The following C1orf21 variants were observed in gnomAD, a reference collection of about 807,000 sequenced individuals.
C1orf21 encodes the protein chromosome 1 open reading frame 21.
C1orf21 carries 3 observed loss-of-function variants against 18.7 expected under a neutral mutation model. The ratio of observed to expected loss-of-function variants is 0.16; its 90% CI spans 0.07 to 0.42. The LOEUF (loss-of-function observed/expected upper bound fraction) is 0.42. C1orf21 is among the 10% of genes least tolerant of loss of function. C1orf21 has a pLI of 0.99. For synonymous variants in C1orf21, 41 were observed against 46.4 expected (o/e 0.88, Z 0.47); for missense variants, 104 against 143.6 (o/e 0.72, Z 1.41).
Position 184,619,634 on chromosome 1 carries a change from G to A in C1orf21, c.*78G>A, listed in dbSNP as rs1366699373. The A allele has an allele frequency of 1.8e-5, 25 of 1,409,678 alleles. No individual in the cohort carries two copies. Among genetic ancestry groups the A allele is most frequent in the Non-Finnish European group, 2.4e-5 (24 of 1,012,008 alleles). The allele number at this position is 1,409,678 out of a possible 1,614,324, so 87.3% of individuals were successfully genotyped here. On this transcript the variant is annotated 3_prime_UTR_variant, in exon 6 of 6. Coordinates refer to ENST00000235307, the MANE Select transcript of C1orf21 (RefSeq NM_030806.4). ...CCCAGTTGAAATCTTTGCAAAGGTC[G>A]GTTCTATTCAGCGAACAGCACTATA...
At chr1:184,612,606 G>A (rs995195469) in intron 5 of C1orf21, among the ~76,000 whole-genome samples, 6 of 152,002 alleles carry the variant, frequency 3.9e-5, no homozygotes, top group Non-Finnish European at 8.8e-5. Flanking sequence ...CATGCTACTC[G>A]GGAGGCGAAG....
chr1:184,542,859 A>G (rs2101978233), intron 3 of C1orf21, among the ~76,000 whole-genome samples: 1 of 152,250 alleles, frequency 6.6e-6, no homozygotes, highest in Non-Finnish European at 1.5e-5. Flanking sequence ...GGCTTTTTGG[A>G]GACTGCCTGC....
chr1:184,586,235 G>C (rs1457341556), intron 3 of C1orf21, among the ~76,000 whole-genome samples: 1 of 151,396 alleles, frequency 6.6e-6, no homozygotes, highest in African/African-American at 2.4e-5. Context: ...ATGATTGTTG[G>C]CTGCATGTCT....
At chr1:184,603,304 T>A (rs532998363) in intron 5 of C1orf21, among the ~76,000 whole-genome samples, 2 of 152,312 alleles carry the variant, frequency 1.3e-5, no homozygotes, top group Middle Eastern at 6.8e-3. Context: ...TCTTCTTCCT[T>A]TCTTATATCC....
intron 1 of C1orf21, among the ~76,000 whole-genome samples, chr1:184,430,133 A>C (rs1005732688): frequency 2.7e-5 from 4 of 146,762 alleles, no homozygotes; most frequent in African/African-American, 1.0e-4. Flanking sequence ...AAAAAAAAAA[A>C]TCCATTGTTT....
At chr1:184,536,424 A>T (rs1171632916) in intron 3 of C1orf21, among the ~76,000 whole-genome samples, 1 of 152,146 alleles carries the variant, frequency 6.6e-6, no homozygotes, top group Non-Finnish European at 1.5e-5. Context: ...ACCAAGGGGA[A>T]GACACACCCC....
At chr1:184,575,015 C>G (rs193001018) in intron 3 of C1orf21, among the ~76,000 whole-genome samples, 1 of 152,066 alleles carries the variant, frequency 6.6e-6, no homozygotes, top group Non-Finnish European at 1.5e-5. Context: ...TGAAAAGATA[C>G]GCAAATGAAG....
chr1:184,394,329 T>C lies in C1orf21; in HGVS notation c.-125+6961T>C, dbSNP rs191360803. Among the ~76,000 whole-genome samples, 6 of 152,284 alleles carry C rather than the reference T, an allele frequency of 3.9e-5. No individual in the cohort carries two copies. The South Asian group carries it at 6.2e-4, about 16-fold the overall frequency. On this transcript the variant is annotated intron_variant, in intron 1 of 5. Transcript: ENST00000235307. ...AGTTTCAGTTCATTGTTAAACCACA[T>C]GTTAGAATATATTTTACTTTGCCTG...
At chr1:184,579,024 G>C (rs926765562) in intron 3 of C1orf21, among the ~76,000 whole-genome samples, 1 of 146,112 alleles carries the variant, frequency 6.8e-6, no homozygotes, top group Admixed American at 6.8e-5. Context: ...AGAACTGAGC[G>C]TCTTGGGTGC....
At chr1:184,468,713 G>A (rs1007396629) in intron 1 of C1orf21, among the ~76,000 whole-genome samples, 1 of 152,096 alleles carries the variant, frequency 6.6e-6, no homozygotes, top group Non-Finnish European at 1.5e-5. Flanking sequence ...GAGGTCAGGA[G>A]TTCAAGACTA....
intron 5 of C1orf21, among the ~76,000 whole-genome samples, chr1:184,616,726 CGTGT>C (rs55938251): frequency 6.0e-5 from 9 of 150,816 alleles, no homozygotes; most frequent in South Asian, 2.1e-4. Flanking sequence ...GTTGTGTGCA[CGTGT>C]GTGTGTGTGT....
At chr1:184,433,560 A>G (rs1656806223) in intron 1 of C1orf21, among the ~76,000 whole-genome samples, 1 of 152,140 alleles carries the variant, frequency 6.6e-6, no homozygotes, top group South Asian at 2.1e-4. Flanking sequence ...TTCCTAGACC[A>G]TTGCTGTCCA....
intron 5 of C1orf21, among the ~76,000 whole-genome samples, chr1:184,615,234 T>TGAA (rs1659802991): frequency 6.6e-6 from 1 of 152,122 alleles, no homozygotes; most frequent in Non-Finnish European, 1.5e-5. Flanking sequence ...TACAGATAAC[T>TGAA]GAAGAAGACG....
chr1:184,440,930 C>T (rs868358751), intron 1 of C1orf21, among the ~76,000 whole-genome samples: 1 of 152,134 alleles, frequency 6.6e-6, no homozygotes, highest in Non-Finnish European at 1.5e-5. Context: ...CCAGAGATAG[C>T]TGAAAGATAG....
intron 1 of C1orf21, among the ~76,000 whole-genome samples, chr1:184,421,829 T>C (rs1454982128): frequency 6.6e-6 from 1 of 152,222 alleles, no homozygotes; most frequent in Non-Finnish European, 1.5e-5. Flanking sequence ...AATTTCAGCA[T>C]TGAAGTGGTA....
At chr1:184,558,009 T>G (rs1571276673) in intron 3 of C1orf21, among the ~76,000 whole-genome samples, 1 of 152,308 alleles carries the variant, frequency 6.6e-6, no homozygotes, top group South Asian at 2.1e-4. Context: ...GTCTTTTGTA[T>G]GAATTCAGGC....
At chr1:184,407,104 T>A (rs541376488) in intron 1 of C1orf21, among the ~76,000 whole-genome samples, 2 of 152,246 alleles carry the variant, frequency 1.3e-5, no homozygotes, top group South Asian at 4.2e-4. Context: ...GCCTCTCCAG[T>A]AGCTGGGACT....
rs113477724 is a variant in C1orf21, at chr1:184,488,376, G to C, written c.94+10773G>C. Among the ~76,000 whole-genome samples the C allele has an allele frequency of 1.1e-3, 160 of 152,318 alleles. 2 individuals carry two copies. Among genetic ancestry groups the C allele is most frequent in the African/African-American group, 3.8e-3 (157 of 41,580 alleles). ...ATCAACCATAAATCTATACATGAGT[G>C]TGTGTGTCTTGTTTATCATGCAGAG... On this transcript the variant is annotated intron_variant, in intron 2 of 5. Coordinates refer to ENST00000235307, the MANE Select transcript of C1orf21 (RefSeq NM_030806.4).
intron 1 of C1orf21, among the ~76,000 whole-genome samples, chr1:184,475,238 G>A (rs1657552289): frequency 6.6e-6 from 1 of 152,142 alleles, no homozygotes; most frequent in Non-Finnish European, 1.5e-5. Flanking sequence ...GGATCAGAAA[G>A]AGTACCTATG....
Sources: gnomAD v4.1 joint callset for allele counts (sites outside exome capture counted in the v4.1 genomes callset) on GRCh38, gnomAD v4.1.1 for gene constraint, MANE v1.5 for transcripts, NCBI Gene and HGNC (gene_info 2026-07-23, HGNC 2026-07-21) for gene names.